Variants in WSCD2 observed in about 807,000 individuals in gnomAD.
WSCD2 encodes WSC domain sialate O sulfotransferase 2, also known as sialate:O-sulfotransferase 2.
A neutral mutation model predicts 55.7 loss-of-function variants in WSCD2; 28 were observed. The observed-to-expected ratio is 0.50, with a 90% CI of 0.37 to 0.69. The LOEUF (loss-of-function observed/expected upper bound fraction) is 0.69, where lower values mean the gene tolerates loss of function less well. Ranked by LOEUF, WSCD2 falls within the 30% of genes least tolerant of loss-of-function variation. WSCD2 has a pLI of 0.00. For synonymous variants in WSCD2, 301 were observed against 301.9 expected (o/e 1.00, Z 0.03); for missense variants, 616 against 762.1 (o/e 0.81, Z 2.26).
rs117901950 is a variant in WSCD2 at position 108,200,505 on chromosome 12, A to T, written c.382+4291A>T. ...CATTTATTCTTTCATTCATTCATTCATTCTGTATTTATCAAACACCTACTA... is the reference window on the plus strand; with the variant it reads ...CATTTATTCTTTCATTCATTCATTCTTTCTGTATTTATCAAACACCTACTA... On this transcript the variant is annotated intron_variant, in intron 2 of 8. Transcript: ENST00000547525. 5.1e-3 allele frequency among the ~76,000 whole-genome samples: 782 copies of T among 152,164 alleles called. 4 individuals are homozygous for T. The highest frequency in any genetic ancestry group is 0.011 in the South Asian group (52 of 4,816).
intron 1 of WSCD2, among the ~76,000 whole-genome samples, chr12:108,142,839 G>A (rs1656892259): frequency 6.6e-6 from 1 of 151,694 alleles, no homozygotes; most frequent in African/African-American, 2.4e-5. Flanking sequence ...TTAGAGACAA[G>A]GTCTTGCTCT....
intron 1 of WSCD2, among the ~76,000 whole-genome samples, chr12:108,181,691 C>T (rs1881784385): frequency 6.6e-6 from 1 of 152,184 alleles, no homozygotes; most frequent in Non-Finnish European, 1.5e-5. Flanking sequence ...TCACTGCAAC[C>T]TCAAATTCCT....
intron 1 of WSCD2, among the ~76,000 whole-genome samples, chr12:108,168,823 T>A (rs868159070): frequency 1.3e-5 from 2 of 152,240 alleles, no homozygotes; most frequent in African/African-American, 4.8e-5. Context: ...TGCACCTCAG[T>A]ATCTAGCAAT....
At chr12:108,198,305 C>T (rs1010974313) in intron 2 of WSCD2, among the ~76,000 whole-genome samples, 4 of 152,076 alleles carry the variant, frequency 2.6e-5, no homozygotes, top group East Asian at 1.9e-4. Flanking sequence ...GATGAATAAA[C>T]GAATGAATGA....
At chr12:108,144,375 C>T (rs1456680933) in intron 1 of WSCD2, among the ~76,000 whole-genome samples, 4 of 152,286 alleles carry the variant, frequency 2.6e-5, no homozygotes, top group Non-Finnish European at 2.9e-5. Context: ...TGGAATTCAG[C>T]GAGAATGGCT....
chr12:108,240,900 A>G (rs1032508756), intron 8 of WSCD2, among the ~76,000 whole-genome samples: 8 of 152,208 alleles, frequency 5.3e-5, no homozygotes, highest in African/African-American at 1.4e-4. Flanking sequence ...CCCCATCTAT[A>G]AAGTGAAGAT....
At chr12:108,201,519 T>TGGGGGGGGGG (rs34937873) in intron 2 of WSCD2, among the ~76,000 whole-genome samples, 1 of 128,052 alleles carries the variant, frequency 7.8e-6, no homozygotes, top group African/African-American at 3.0e-5. Context: ...GGGGTGTGGG[T>TGGGGGGGGGG]GGGGGGCGGG....
At chr12:108,186,634 C>G (rs568917418) in intron 1 of WSCD2, among the ~76,000 whole-genome samples, 152 of 152,312 alleles carry the variant, frequency 1.0e-3, no homozygotes, top group African/African-American at 3.5e-3. Context: ...GCTTCTTTCA[C>G]TTGATAATAT....
chr12:108,217,800 G>A (rs772076988), intron 4 of WSCD2, among the ~76,000 whole-genome samples: 8 of 151,984 alleles, frequency 5.3e-5, no homozygotes, highest in Non-Finnish European at 1.0e-4. Context: ...AATCCATCTC[G>A]GGCCCTTTAA....
At position 108,235,245 on chromosome 12, in the gene WSCD2, T is replaced by C. The variant is rs1291375952; in HGVS notation, c.1144+2350T>C. Among the ~76,000 whole-genome samples, 10 of 152,342 alleles carry C rather than the reference T, an allele frequency of 6.6e-5. No homozygotes were observed. The East Asian group carries it at 1.9e-3, about 29-fold the overall frequency. On this transcript the variant is annotated intron_variant, in intron 7 of 8. Transcript: ENST00000547525. ...AAGATAATGTTTGTGAGATAATATG[T>C]GTGAGCCTGTGGTGTAAAATAGACA...
chr12:108,246,737 AGAT>A (rs10589241), intron 8 of WSCD2, among the ~76,000 whole-genome samples: 6,940 of 152,208 alleles, frequency 0.046, 495 homozygotes, highest in African/African-American at 0.16. Flanking sequence ...AAATGTGTGA[AGAT>A]GATGATAAAA....
intron 2 of WSCD2, among the ~76,000 whole-genome samples, chr12:108,200,489 T>TTCA (rs1884526212): frequency 1.3e-5 from 2 of 151,922 alleles, no homozygotes; most frequent in African/African-American, 2.4e-5. Context: ...TCATTTATTC[T>TTCA]TTCATTCATT....
At position 108,248,031 on chromosome 12, in the gene WSCD2, C is replaced by T; in HGVS notation, c.1386C>T (p.Ala462=). ...TGAGGAACTATGCCCCGTGGTGGGC[C>T]ACTCACACACTGGACTGGCTCAAGT... The part of the protein sequence containing the change: ...EFVRNYAPWW[A]THTLDWLKFG... Residue 462 remains alanine (A), a synonymous_variant, in exon 9 of 9, where the codon GCC becomes GCT. Transcript: ENST00000547525. The surrounding 1 kb of genome is among the most constrained non-coding windows in gnomAD (Gnocchi z 4.3). 1 of 1,614,142 alleles carries T rather than the reference C, an allele frequency of 6.2e-7. No individual in the cohort carries two copies. The highest frequency in any genetic ancestry group is 8.5e-7 in the Non-Finnish European group (1 of 1,179,996).
At chr12:108,217,180 C>G (rs1382501844) in intron 4 of WSCD2, among the ~76,000 whole-genome samples, 1 of 152,244 alleles carries the variant, frequency 6.6e-6, no homozygotes, top group Non-Finnish European at 1.5e-5. Flanking sequence ...TGGCACACAG[C>G]TAAGTAAGCA....
At chr12:108,175,667 GGAGCCATCCCTGCCCCAGT>G (rs1880740062) in intron 1 of WSCD2, among the ~76,000 whole-genome samples, 3 of 152,158 alleles carry the variant, frequency 2.0e-5, no homozygotes, top group African/African-American at 7.2e-5. Flanking sequence ...GGTGTTCCTG[GGAGCCATCCCTGCCCCAGT>G]GAGCCATCCT....
chr12:108,201,449 T>C (rs1219663069), intron 2 of WSCD2, among the ~76,000 whole-genome samples: 1 of 144,092 alleles, frequency 6.9e-6, no homozygotes, highest in East Asian at 2.2e-4. Context: ...ATGACCCTAT[T>C]TCCAAATAAG....
chr12:108,166,804 T>TCTTG (rs1491193127), intron 1 of WSCD2, among the ~76,000 whole-genome samples: 14 of 147,012 alleles, frequency 9.5e-5, no homozygotes, highest in African/African-American at 3.6e-4. Context: ...TTTCTTTCTT[T>TCTTG]CTCTCTTTTT....
intron 1 of WSCD2, chr12:108,149,938 C>T (rs1016780544): frequency 6.6e-6 from 1 of 152,186 alleles, no homozygotes; most frequent in South Asian, 2.1e-4. Flanking sequence ...ATTTCACAGA[C>T]AAGGAAATGG....
chr12:108,189,407 A>G (rs896143223), intron 1 of WSCD2: 1 of 152,208 alleles, frequency 6.6e-6, no homozygotes, highest in African/African-American at 2.4e-5. Flanking sequence ...CCCATCAGTC[A>G]TATTTGCAGC....
Sources: allele counts gnomAD v4.1 joint callset (sites outside exome capture counted in the v4.1 genomes callset), GRCh38; gene constraint gnomAD v4.1.1; non-coding constraint Gnocchi (gnomAD v3.1); transcripts MANE v1.5; gene names NCBI Gene and HGNC (gene_info 2026-07-23, HGNC 2026-07-21).